The following BANK1 variants were observed in gnomAD, a reference collection of about 807,000 sequenced individuals.
BANK1 encodes B cell scaffold protein with ankyrin repeats 1.
Under a neutral mutation model 94.5 loss-of-function variants are expected in BANK1, and 95 were observed. That is an observed-to-expected ratio of 1.00 (90% CI 0.85 to 1.19). The LOEUF (loss-of-function observed/expected upper bound fraction) is 1.19, where lower values mean the gene tolerates loss of function less well. Among genes scored for constraint, BANK1 ranks in the 50% most tolerant of loss-of-function variants. The pLI is 0.00. For missense variants in BANK1, 987 were observed against 932.2 expected (o/e 1.06, Z -0.77); for synonymous variants, 334 against 308.4 (o/e 1.08, Z -0.87).
chr4:102,071,337 A>C, intron 14 of BANK1, 33 bp downstream of exon 14: 1 of 1,601,034 alleles, frequency 6.2e-7, no homozygotes, highest in Non-Finnish European at 8.6e-7. Context: ...AGGATCTAAG[A>C]CTAAAACAAA....
rs1166018412 is a variant in BANK1, at chr4:101,986,899, G to GTATATATATATATATATATA, written c.1207-34602_1207-34583dup. 2.9e-4 allele frequency among the ~76,000 whole-genome samples: 24 copies of GTATATATATATATATATATA among 82,662 alleles called. 4 individuals are homozygous for GTATATATATATATATATATA. Among genetic ancestry groups the GTATATATATATATATATATA allele is most frequent in the African/African-American group, 1.5e-3 (23 of 15,550 alleles). The allele number at this position is 82,662 out of a possible 152,430, so 54.2% of individuals were successfully genotyped here. The stretch of plus-strand genomic sequence containing the variant: ...TGTGTGTGTGTGTGTGTGTGTGTGT[G>GTATATATATATATATATATA]TATATATATATATATATATATATAT... On this transcript the variant is annotated intron_variant, in intron 7 of 16. Coordinates refer to ENST00000322953, the MANE Select transcript of BANK1 (RefSeq NM_017935.5).
chr4:101,945,503 T>G (rs763552435), intron 7 of BANK1, among the ~76,000 whole-genome samples: 1 of 152,006 alleles, frequency 6.6e-6, no homozygotes, highest in Non-Finnish European at 1.5e-5. Context: ...AATAATATAG[T>G]ATTTATACTG....
In BANK1 at chr4:101,982,881, A is replaced by G. The variant is rs143972928; in HGVS notation, c.1207-38633A>G. Among the ~76,000 whole-genome samples, 587 of 152,122 alleles carry G rather than the reference A, an allele frequency of 3.9e-3. 6 individuals are homozygous for G. The highest frequency in any genetic ancestry group is 4.3e-3 in the Non-Finnish European group (291 of 67,950). On this transcript the variant is annotated intron_variant, in intron 7 of 16. Coordinates refer to ENST00000322953, the MANE Select transcript of BANK1 (RefSeq NM_017935.5). Reference sequence around the variant, plus strand: ...AATTTTATTCTAAGGCTATATATATATATGTATATACGCATGGAATTTCAC... The same window carrying G: ...AATTTTATTCTAAGGCTATATATATGTATGTATATACGCATGGAATTTCAC...
At chr4:101,905,671 G>T (rs1161040891) in intron 6 of BANK1, among the ~76,000 whole-genome samples, 1 of 152,056 alleles carries the variant, frequency 6.6e-6, no homozygotes, top group Non-Finnish European at 1.5e-5. Flanking sequence ...GCCATTGCCT[G>T]TGCTAGCAGA....
intron 7 of BANK1, among the ~76,000 whole-genome samples, chr4:102,004,014 G>A (rs1162897309): frequency 6.6e-6 from 1 of 150,688 alleles, no homozygotes; most frequent in Non-Finnish European, 1.5e-5. Context: ...TAACCTATTT[G>A]AGCTATGTAA....
intron 7 of BANK1, among the ~76,000 whole-genome samples, chr4:101,948,890 T>G (rs1445461259): frequency 2.0e-5 from 3 of 152,172 alleles, no homozygotes; most frequent in Non-Finnish European, 4.4e-5. Context: ...GCCTTGCCTT[T>G]ATTTAAAATT....
rs1186035559 is a variant in BANK1, at chr4:102,074,632, A to AATC, written c.*634_*636dup. 1 of 152,044 alleles carries AATC rather than the reference A, an allele frequency of 6.6e-6. No homozygotes were observed. The highest frequency in any genetic ancestry group is 1.5e-5 in the Non-Finnish European group (1 of 67,910). 9.4% of individuals were successfully genotyped at this position (152,044 alleles called of 1,614,324 possible). Reference sequence around the variant, plus strand: ...TTGTATTAAGACTTGCAATTTTATCAATCTATTATTTCTTAGAAACAATTT... The same window carrying AATC: ...TTGTATTAAGACTTGCAATTTTATCAATCATCTATTATTTCTTAGAAACAATTT... On this transcript the variant is annotated 3_prime_UTR_variant, in exon 17 of 17. Transcript: ENST00000322953.
chr4:101,952,823 T>C (rs1220674087), intron 7 of BANK1, among the ~76,000 whole-genome samples: 1 of 152,164 alleles, frequency 6.6e-6, no homozygotes, highest in Admixed American at 6.6e-5. Flanking sequence ...GACTTGAGTC[T>C]GCGCCCTTAC....
At chr4:101,791,517 G>A (rs1724985846) in intron 1 of BANK1, among the ~76,000 whole-genome samples, 1 of 152,166 alleles carries the variant, frequency 6.6e-6, no homozygotes, top group Non-Finnish European at 1.5e-5. Context: ...CAACTTGGTT[G>A]AATGCAGAAG....
chr4:101,869,335 AGCTGATGAGAT>A (rs1728194725), intron 4 of BANK1, among the ~76,000 whole-genome samples: 1 of 151,964 alleles, frequency 6.6e-6, no homozygotes, highest in Admixed American at 6.6e-5. Context: ...GTACTGCTGT[AGCTGATGAGAT>A]GTGCTTTAAA....
At chr4:101,924,997 T>G (rs909335843) in intron 7 of BANK1, among the ~76,000 whole-genome samples, 5 of 151,676 alleles carry the variant, frequency 3.3e-5, no homozygotes, top group African/African-American at 1.2e-4. Flanking sequence ...TGTTAAAAAT[T>G]TTTCTGAGAA....
chr4:101,844,894 C>T (rs1195448163), intron 2 of BANK1, among the ~76,000 whole-genome samples: 1 of 150,646 alleles, frequency 6.6e-6, no homozygotes, highest in Non-Finnish European at 1.5e-5. Context: ...CTAGACCTAA[C>T]TGGGAAGGGT....
chr4:101,947,309 A>G (rs12505045), intron 7 of BANK1, among the ~76,000 whole-genome samples: 4,345 of 66,494 alleles, frequency 0.065, 419 homozygotes, highest in African/African-American at 0.16. Flanking sequence ...ATATATATAT[A>G]TATGTATATG....
intron 7 of BANK1, among the ~76,000 whole-genome samples, chr4:102,016,252 A>C (rs1194320531): frequency 6.6e-6 from 1 of 152,134 alleles, no homozygotes; most frequent in Non-Finnish European, 1.5e-5. Flanking sequence ...CATTTTGCCT[A>C]ATCTATATTG....
Position 101,986,825 on chromosome 4 carries a change from A to ATATATATGTATATATATGTG in BANK1, c.1207-34681_1207-34662dup, listed in dbSNP as rs1560668101. ...TGTATATATATGTATATATATGTGTATATATATGTATATATATGTGTATAT... is the reference window on the plus strand; with the variant it reads ...TGTATATATATGTATATATATGTGTATATATATGTATATATATGTGTATATATGTATATATATGTGTATAT... On this transcript the variant is annotated intron_variant, in intron 7 of 16. Coordinates refer to ENST00000322953, the MANE Select transcript of BANK1 (RefSeq NM_017935.5). Among the ~76,000 whole-genome samples the ATATATATGTATATATATGTG allele has an allele frequency of 6.7e-5, 8 of 118,900 alleles. No homozygotes were observed. The South Asian group carries it at 1.5e-3, about 22-fold the overall frequency. 78.0% of individuals were successfully genotyped at this position (118,900 alleles called of 152,430 possible).
intron 1 of BANK1, among the ~76,000 whole-genome samples, chr4:101,807,909 C>T (rs1419365333): frequency 1.3e-5 from 2 of 151,242 alleles, no homozygotes; most frequent in African/African-American, 4.9e-5. Flanking sequence ...GGTGAAACCC[C>T]GTCTCTACTA....
chr4:101,893,544 A>G (rs1173010390), intron 5 of BANK1, among the ~76,000 whole-genome samples: 1 of 152,074 alleles, frequency 6.6e-6, no homozygotes, highest in Non-Finnish European at 1.5e-5. Context: ...TATATTTAAA[A>G]TTTCTTTCAT....
chr4:102,027,217 GA>G (rs1306329242), intron 9 of BANK1, among the ~76,000 whole-genome samples: 1 of 150,430 alleles, frequency 6.6e-6, no homozygotes, highest in African/African-American at 2.4e-5. Flanking sequence ...TCTTGTGTCA[GA>G]TTATTTCTCT....
At chr4:101,927,240 CACTT>C (rs2148903793) in intron 7 of BANK1, among the ~76,000 whole-genome samples, 1 of 151,732 alleles carries the variant, frequency 6.6e-6, no homozygotes, top group South Asian at 2.1e-4. Context: ...AATTGTCAAA[CACTT>C]ACAAGACCAT....
Sources: allele counts gnomAD v4.1 joint callset (sites outside exome capture counted in the v4.1 genomes callset), GRCh38; gene constraint gnomAD v4.1.1; transcripts MANE v1.5; gene names NCBI Gene and HGNC (gene_info 2026-07-23, HGNC 2026-07-21).